Variants in IKZF3 observed in about 807,000 individuals in gnomAD.
IKZF3 encodes the protein zinc finger protein Aiolos.
In IKZF3, 10 loss-of-function variants were observed where a neutral mutation model predicts 49.0. The observed-to-expected ratio is 0.20, with a 90% CI of 0.13 to 0.35. The LOEUF is 0.35. IKZF3 is among the 10% of genes least tolerant of loss of function. IKZF3 has a pLI of 1.00. For synonymous variants in IKZF3, 209 were observed against 228.2 expected (o/e 0.92, Z 0.76); for missense variants, 498 against 664.8 (o/e 0.75, Z 2.76).
chr17:39,850,906 C>T (rs142577713), intron 1 of IKZF3, among the ~76,000 whole-genome samples: 3,169 of 112,170 alleles, frequency 0.028, 55 homozygotes, highest in Non-Finnish European at 0.045. Flanking sequence ...ATATTATATA[C>T]GTATATTATA....
chr17:39,763,579 T>C lies in IKZF3; in HGVS notation c.*2211A>G, dbSNP rs1449173552. ...GTGGCAAGATCAAAATACCTTTCTG[T>C]TTTTTGTTCCTCTCCACCACCTTCT... On this transcript the variant is annotated 3_prime_UTR_variant, in exon 8 of 8. Coordinates refer to ENST00000346872, the MANE Select transcript of IKZF3 (RefSeq NM_012481.5). The C allele has an allele frequency of 1.3e-5, 2 of 152,208 alleles. No homozygotes were observed. The highest frequency in any genetic ancestry group is 2.9e-5 in the Non-Finnish European group (2 of 68,034). 9.4% of individuals were successfully genotyped at this position (152,208 alleles called of 1,614,324 possible). A position where few individuals can be genotyped will look rare whatever the true frequency, so the allele number is the denominator to read the frequency against.
chr17:39,858,250 C>T (rs1020422000), intron 1 of IKZF3, among the ~76,000 whole-genome samples: 1 of 151,754 alleles, frequency 6.6e-6, no homozygotes, highest in African/African-American at 2.4e-5. Context: ...TTTGTGCTCA[C>T]GAGTTCAAGA....
intron 3 of IKZF3, among the ~76,000 whole-genome samples, chr17:39,806,560 A>G (rs2144051900): frequency 6.6e-6 from 1 of 152,332 alleles, no homozygotes; most frequent in Non-Finnish European, 1.5e-5. Flanking sequence ...ACCTGCTAGA[A>G]TGGCTACTAT....
At chr17:39,863,789 A>G (rs979989388) in intron 1 of IKZF3, among the ~76,000 whole-genome samples, 1 of 121,596 alleles carries the variant, frequency 8.2e-6, no homozygotes, top group African/African-American at 3.4e-5. Flanking sequence ...AAATATCCAA[A>G]AGGGTTGATT....
chr17:39,835,583 G>C (rs534761959), intron 1 of IKZF3: 1 of 434,412 alleles, frequency 2.3e-6, no homozygotes, highest in Non-Finnish European at 4.5e-6. Flanking sequence ...CCTTGGCCTG[G>C]CTGCGGTTGG....
At chr17:39,794,249 A>G (rs2061106586) in intron 3 of IKZF3, among the ~76,000 whole-genome samples, 1 of 152,164 alleles carries the variant, frequency 6.6e-6, no homozygotes, top group African/African-American at 2.4e-5. Context: ...CTTGGATTTG[A>G]CCTCATGCAC....
intron 6 of IKZF3, 162 bp from the exon 7 acceptor site, chr17:39,777,929 C>T (rs942783673): frequency 3.7e-6 from 5 of 1,347,190 alleles, no homozygotes; most frequent in Non-Finnish European, 4.8e-6. Flanking sequence ...CTGCTGTGGT[C>T]AGTGAAGCCG....
chr17:39,835,180 G>A, intron 1 of IKZF3: 1 of 502,984 alleles, frequency 2.0e-6, no homozygotes, highest in Non-Finnish European at 4.0e-6. Flanking sequence ...GTCTTCATAT[G>A]GATACTCATG....
chr17:39,768,614 G>A (rs115625405), intron 7 of IKZF3, among the ~76,000 whole-genome samples: 2,590 of 152,226 alleles, frequency 0.017, 69 homozygotes, highest in African/African-American at 0.059. Context: ...CCTATGTTCC[G>A]TGTCCTCATG....
Position 39,766,228 on chromosome 17 carries a change from G to A in IKZF3, c.1092C>T (p.Ile364=), listed in dbSNP as rs760697726. 6 of 1,614,196 alleles carry A rather than the reference G, an allele frequency of 3.7e-6. No homozygotes were observed. Among genetic ancestry groups the A allele is most frequent in the Non-Finnish European group, 5.1e-6 (6 of 1,180,040 alleles). The change falls in exon 8 of 8, where the codon ATC becomes ATT. Residue 364 remains isoleucine, a synonymous_variant. Coordinates refer to ENST00000346872, the MANE Select transcript of IKZF3 (RefSeq NM_012481.5). ...AAGGCACGCTCTTCTCTGGAAGGTG[G>A]ATGCTTTTCTTTTCCAGCTCTTGAG... is the stretch of plus-strand genomic sequence containing the variant. ...GAPQELEKKS[I]HLPEKSVPSE... is the part of the protein sequence containing the mutation.
intron 1 of IKZF3, among the ~76,000 whole-genome samples, chr17:39,862,087 T>G (rs997606179): frequency 2.6e-5 from 4 of 152,152 alleles, no homozygotes; most frequent in East Asian, 3.8e-4. Context: ...AGTCTTTGGG[T>G]AGAAAATATT....
intron 1 of IKZF3, among the ~76,000 whole-genome samples, chr17:39,843,864 T>C (rs2062553342): frequency 6.6e-6 from 1 of 150,798 alleles, no homozygotes; most frequent in Non-Finnish European, 1.5e-5. Context: ...CACATGAATG[T>C]TCTTATTAGC....
intron 1 of IKZF3, among the ~76,000 whole-genome samples, chr17:39,846,539 G>C (rs77594619): frequency 1.4e-5 from 2 of 143,770 alleles, no homozygotes; most frequent in Non-Finnish European, 3.0e-5. Flanking sequence ...GCTGTAAAAC[G>C]AAAGGGGGCA....
At chr17:39,842,095 G>C (rs1176559161) in intron 1 of IKZF3, among the ~76,000 whole-genome samples, 2 of 148,714 alleles carry the variant, frequency 1.3e-5, no homozygotes, top group Non-Finnish European at 3.0e-5. Context: ...GTGTATATGG[G>C]TATACATAAA....
chr17:39,758,626 A>C lies in IKZF3; in HGVS notation c.*7164T>G, dbSNP rs978013957. 6.6e-5 allele frequency: 10 copies of C among 151,664 alleles called. No homozygotes were observed. The highest frequency in any genetic ancestry group is 2.4e-4 in the African/African-American group (10 of 41,192). 9.4% of individuals were successfully genotyped at this position (151,664 alleles called of 1,614,324 possible). ...TTTGAAATAACTCAAGTTTTGGAGC[A>C]GCGGGGGGTGGGGTACTAATGGCTG... On this transcript the variant is annotated 3_prime_UTR_variant, in exon 8 of 8. Transcript: ENST00000346872.
At chr17:39,791,655 T>C (rs1306310565) in intron 4 of IKZF3, 72 bp from the exon 5 acceptor site, 2 of 1,461,790 alleles carry the variant, frequency 1.4e-6, no homozygotes, top group East Asian at 4.6e-5. Flanking sequence ...ATTAGATGCC[T>C]AGGGGAAAAG....
Position 39,857,900 on chromosome 17 carries a change from G to C in IKZF3, c.7+6220C>G, listed in dbSNP as rs980160046. ...GCTACTCAAGAGGATGAGGTGGGAG[G>C]ATCGCTTGAGCCCAGGAGTTTGAGA... On this transcript the variant is annotated intron_variant, in intron 1 of 7. Coordinates refer to ENST00000346872, the MANE Select transcript of IKZF3 (RefSeq NM_012481.5). Among the ~76,000 whole-genome samples, 3 of 151,078 alleles carry C rather than the reference G, an allele frequency of 2.0e-5. No individual in the cohort carries two copies. The South Asian group carries it at 6.3e-4, about 32-fold the overall frequency.
chr17:39,777,296 A>C (rs1029152007), intron 7 of IKZF3, among the ~76,000 whole-genome samples: 9 of 152,278 alleles, frequency 5.9e-5, no homozygotes, highest in African/African-American at 2.2e-4. Context: ...ATATAATTAC[A>C]AAAGATTACA....
intron 3 of IKZF3, among the ~76,000 whole-genome samples, chr17:39,813,290 G>A (rs1006760632): frequency 2.7e-5 from 4 of 148,690 alleles, no homozygotes; most frequent in African/African-American, 5.0e-5. Flanking sequence ...GCTGTGCTAC[G>A]CAGCTTAGTT....
Sources: allele counts gnomAD v4.1 joint callset (sites outside exome capture counted in the v4.1 genomes callset), GRCh38; gene constraint gnomAD v4.1.1; transcripts MANE v1.5; gene names NCBI Gene and HGNC (gene_info 2026-07-23, HGNC 2026-07-21).